The following LSR variants were observed in gnomAD, a reference collection of about 807,000 sequenced individuals.
The protein encoded by LSR is lipolysis-stimulated lipoprotein receptor.
A neutral mutation model predicts 61.8 loss-of-function variants in LSR; 44 were observed. That is an observed-to-expected ratio of 0.71 (90% CI 0.56 to 0.91). The LOEUF (loss-of-function observed/expected upper bound fraction) is 0.91, where lower values mean the gene tolerates loss of function less well. Ranked by LOEUF, LSR falls within the 40% of genes least tolerant of loss-of-function variation. The pLI is 0.00. For synonymous variants in LSR, 397 were observed against 350.6 expected (o/e 1.13, Z -1.48); for missense variants, 911 against 830.5 (o/e 1.10, Z -1.19).
chr19:35,261,283 A>G (rs2065924927), intron 3 of LSR, among the ~76,000 whole-genome samples: 1 of 152,146 alleles, frequency 6.6e-6, no homozygotes, highest in Admixed American at 6.5e-5. Context: ...TTTTGCCTTC[A>G]TGGGTCCCTT....
At chr19:35,266,581 T>C (rs748012806) in intron 6 of LSR, 49 bp downstream of exon 6, 2 of 1,602,058 alleles carry the variant, frequency 1.2e-6, no homozygotes, top group Non-Finnish European at 1.7e-6. Flanking sequence ...GCTGGGCATC[T>C]GGACACTGAG....
rs753874648 is a variant in LSR at position 35,267,539 on chromosome 19, C to A, written c.1575C>A (p.Asp525Glu). ...GGTCCCACCACCACCGTACCCGGGA[C>A]CCTCGGGACAACGGCTCCAGGTCCG... ...DPRSHHHRTR[D>E]PRDNGSRSGD... Residue 525 changes from aspartate to glutamate, a missense_variant, in exon 9 of 10, where the codon GAC becomes GAA. Physicochemically the swap from Asp to Glu is conservative, Grantham distance 45 (BLOSUM62 2). Transcript: ENST00000605618. 2 of 1,612,184 alleles carry A rather than the reference C, an allele frequency of 1.2e-6. No homozygotes were observed. Among genetic ancestry groups the A allele is most frequent in the Non-Finnish European group, 1.7e-6 (2 of 1,179,778 alleles).
In LSR at chr19:35,266,718, C is replaced by G. The variant is rs767861813; in HGVS notation, c.992C>G (p.Thr331Arg). 5.0e-6 allele frequency: 8 copies of G among 1,608,946 alleles called. No individual in the cohort carries two copies. The highest frequency in any genetic ancestry group is 6.8e-6 in the Non-Finnish European group (8 of 1,178,030). ...QGSYVPLLRD[T>R]DSSVASEVRS... ...TCCTATGTACCCCTGCTTCGGGACACGGACAGCAGTGTGGCCTCTGGTGAG... is the reference window on the plus strand; with the variant it reads ...TCCTATGTACCCCTGCTTCGGGACAGGGACAGCAGTGTGGCCTCTGGTGAG... The change falls in exon 7 of 10, where the codon ACG becomes AGG. Residue 331 changes from threonine to arginine, a missense_variant. Transcript: ENST00000605618.
chr19:35,261,431 T>C (rs2065927448), intron 3 of LSR, among the ~76,000 whole-genome samples: 1 of 152,172 alleles, frequency 6.6e-6, no homozygotes, highest in South Asian at 2.1e-4. Flanking sequence ...TAGCCCTAGC[T>C]ACTTACCCCA....
rs1174837828 is a variant in LSR, at chr19:35,267,217, G to A, written c.1253G>A (p.Arg418Gln). Residue 418 changes from arginine to glutamine, a missense_variant, in exon 9 of 10, where the codon CGG becomes CAG. Transcript: ENST00000605618. ...RDEEWGGHSP[R>Q]SPRGWDQEPA... ...GAGGAGTGGGGTGGCCACTCCCCCC[G>A]GAGTCCCAGGGGATGGGACCAGGAG... 3 of 1,521,220 alleles carry A rather than the reference G, an allele frequency of 2.0e-6. No individual in the cohort carries two copies. The highest frequency in any genetic ancestry group is 2.8e-5 in the African/African-American group (2 of 71,764). The allele number at this position is 1,521,220 out of a possible 1,614,324, so 94.2% of individuals were successfully genotyped here.
At position 35,267,568 on chromosome 19, in the gene LSR, A is replaced by T; in HGVS notation, c.1604A>T (p.Asp535Val). ...CGGGACAACGGCTCCAGGTCCGGGG[A>T]CCTCCCCTATGATGGGCGGCTACTG... ...DPRDNGSRSG[D>V]LPYDGRLLEE... The change falls in exon 9 of 10, where the codon GAC (aspartate) becomes GTC (valine). Residue 535 changes from aspartate to valine, a missense_variant. Coordinates refer to ENST00000605618, the MANE Select transcript of LSR (RefSeq NM_205834.4). 1 of 1,611,570 alleles carries T rather than the reference A, an allele frequency of 6.2e-7. No homozygotes were observed. The highest frequency in any genetic ancestry group is 8.5e-7 in the Non-Finnish European group (1 of 1,179,528).
At position 35,267,824 on chromosome 19, in the gene LSR, AAC is replaced by A; in HGVS notation, c.1772_1773del (p.Asn591IlefsTer13). On this transcript the variant is annotated frameshift_variant and splice_region_variant, in exon 10 of 10. Transcript: ENST00000605618. LOFTEE classifies it high-confidence loss of function. The stretch of plus-strand genomic sequence containing the variant: ...ACCCTTCTTTCTTTCTCCCTTGCAG[AAC>A]TTGGCCCTGAGTCGGGAAAGTTTAG... ...QASRERRLKKNLALSRESLVV is the reference protein window; with the variant it reads ...QASRERRLKKXLALSRESLVV 6.2e-7 allele frequency: 1 copy of A among 1,613,280 alleles called. No individual in the cohort carries two copies. Among genetic ancestry groups the A allele is most frequent in the Non-Finnish European group, 8.5e-7 (1 of 1,179,848 alleles).
Position 35,266,978 on chromosome 19 carries a change from G to A in LSR, c.1144+11G>A. Reference sequence around the variant, plus strand: ...GCCGTGTGGAGCGGGGTAAGCAGGAGCCTTGGGGTCTGAGGGCTTTTAAGG... The same window carrying A: ...GCCGTGTGGAGCGGGGTAAGCAGGAACCTTGGGGTCTGAGGGCTTTTAAGG... On this transcript the variant is annotated intron_variant, in intron 8 of 9. Coordinates refer to ENST00000605618, the MANE Select transcript of LSR (RefSeq NM_205834.4). The A allele has an allele frequency of 6.2e-7, 1 of 1,605,458 alleles. No homozygotes were observed. Among genetic ancestry groups the A allele is most frequent in the South Asian group, 1.1e-5 (1 of 90,056 alleles).
At chr19:35,255,274 C>T (rs987182735) in intron 2 of LSR, among the ~76,000 whole-genome samples, 13 of 152,128 alleles carry the variant, frequency 8.5e-5, no homozygotes, top group Non-Finnish European at 1.8e-4. Context: ...GACCCATGAT[C>T]GCACCACTGC....
chr19:35,256,835 CT>C (rs759264544), intron 2 of LSR, among the ~76,000 whole-genome samples: 2 of 151,262 alleles, frequency 1.3e-5, no homozygotes, highest in Non-Finnish European at 2.9e-5. Context: ...GGTTCGTTTC[CT>C]TTTTTTTCTT....
chr19:35,252,018 T>C (rs2065799751), intron 2 of LSR, among the ~76,000 whole-genome samples: 1 of 150,368 alleles, frequency 6.7e-6, no homozygotes, highest in Non-Finnish European at 1.5e-5. Flanking sequence ...GTATTTTTAG[T>C]AGAGACGGGG....
Position 35,262,089 on chromosome 19 carries a change from G to A in LSR, c.631+108G>A. 7 of 1,048,826 alleles carry A rather than the reference G, an allele frequency of 6.7e-6. No individual in the cohort carries two copies. In the South Asian group the frequency reaches 1.1e-4, roughly 16 times the overall value. 65.0% of individuals were successfully genotyped at this position (1,048,826 alleles called of 1,614,324 possible). A position where few individuals can be genotyped will look rare whatever the true frequency, so the allele number is the denominator to read the frequency against. ...TCCCCACTAAACCCTGCTCACTGTG[G>A]ACCCCTCACTAACCTGGCCTGACTG... On this transcript the variant is annotated intron_variant, in intron 4 of 9. Coordinates refer to ENST00000605618, the MANE Select transcript of LSR (RefSeq NM_205834.4).
intron 5 of LSR, among the ~76,000 whole-genome samples, chr19:35,263,381 A>G (rs2065956468): frequency 6.6e-6 from 1 of 152,104 alleles, no homozygotes; most frequent in Non-Finnish European, 1.5e-5. Flanking sequence ...TTTGTTTTAG[A>G]GAAAGGGTCT....
intron 3 of LSR, chr19:35,259,327 G>A (rs2065895772): frequency 6.3e-6 from 2 of 317,240 alleles, no homozygotes; most frequent in Non-Finnish European, 1.2e-5. Context: ...CCTTTTCAAA[G>A]TCTCATTTTT....
At chr19:35,251,466 G>T (rs1246178284) in intron 2 of LSR, 1 of 152,228 alleles carries the variant, frequency 6.6e-6, no homozygotes, top group African/African-American at 2.4e-5. Flanking sequence ...CACAGTAATT[G>T]AATAGATTCT....
In LSR at chr19:35,262,693, G is replaced by GT. The variant is rs779049104; in HGVS notation, c.778+2dup. ...GACAAGTGCTGCTGCCCCGAGGCCC[G>GT]TAAGTGTCCCGCTCATGGCCACCCT... is the stretch of plus-strand genomic sequence containing the variant. On this transcript the variant is annotated splice_donor_variant, in intron 5 of 9. Transcript: ENST00000605618. LOFTEE classifies it high-confidence loss of function. The GT allele has an allele frequency of 6.2e-6, 10 of 1,612,958 alleles. No individual in the cohort carries two copies. The highest frequency in any genetic ancestry group is 1.7e-5 in the Admixed American group (1 of 60,008).
In LSR at chr19:35,266,674, C is replaced by A. The variant is rs778956338; in HGVS notation, c.953-5C>A. 1 of 1,606,908 alleles carries A rather than the reference C, an allele frequency of 6.2e-7. No individual in the cohort carries two copies. Among genetic ancestry groups the A allele is most frequent in the Non-Finnish European group, 8.5e-7 (1 of 1,177,160 alleles). On this transcript the variant is annotated splice_polypyrimidine_tract_variant and splice_region_variant and intron_variant, in intron 6 of 9. Transcript: ENST00000605618. The stretch of plus-strand genomic sequence containing the variant: ...GCGCGGCCACTGACAGCCACTCTCC[C>A]CCAGCTGGTGGCCAAGGCTCCTATG...
intron 3 of LSR, among the ~76,000 whole-genome samples, chr19:35,261,140 T>A (rs1242217086): frequency 2.6e-5 from 4 of 152,098 alleles, no homozygotes; most frequent in Non-Finnish European, 5.9e-5. Flanking sequence ...CTGGTGGGGC[T>A]CAGAGCTCCA....
chr19:35,262,444 G>A (rs538416903), intron 4 of LSR, 102 bp from the exon 5 acceptor site: 19 of 1,362,386 alleles, frequency 1.4e-5, no homozygotes, highest in Admixed American at 1.1e-4. Context: ...TTTGCAAATC[G>A]TCCCCGACCT....
Sources: gnomAD v4.1 joint callset for allele counts (sites outside exome capture counted in the v4.1 genomes callset) on GRCh38, gnomAD v4.1.1 for gene constraint, MANE v1.5 for transcripts, NCBI Gene and HGNC (gene_info 2026-07-23, HGNC 2026-07-21) for gene names.